Variants in ATP8B4 observed in about 807,000 individuals in gnomAD.
The protein encoded by ATP8B4 is probable phospholipid-transporting ATPase IM.
Under a neutral mutation model 145.6 loss-of-function variants are expected in ATP8B4, and 133 were observed. The ratio of observed to expected loss-of-function variants is 0.91; its 90% confidence interval spans 0.79 to 1.05. The LOEUF (loss-of-function observed/expected upper bound fraction) is 1.05, where lower values mean the gene tolerates loss of function less well. Ranked by LOEUF, ATP8B4 falls within the 50% of genes least tolerant of loss-of-function variation. ATP8B4 has a pLI of 0.00. For missense variants in ATP8B4, 1,458 were observed against 1,425.2 expected (o/e 1.02, Z -0.37); for synonymous variants, 507 against 492.9 (o/e 1.03, Z -0.38).
At chr15:50,178,652 CA>C (rs2044799661) in intron 1 of ATP8B4, among the ~76,000 whole-genome samples, 1 of 152,150 alleles carries the variant, frequency 6.6e-6, no homozygotes, top group African/African-American at 2.4e-5. Flanking sequence ...TGCATGCCCC[CA>C]CACTTGGATA....
chr15:50,066,643 C>T (rs1567295062), intron 3 of ATP8B4, among the ~76,000 whole-genome samples: 1 of 152,114 alleles, frequency 6.6e-6, no homozygotes, highest in South Asian at 2.1e-4. Context: ...TAAACACATA[C>T]TTAAAAAGCC....
chr15:49,892,777 A>G (rs1031994308), intron 23 of ATP8B4, among the ~76,000 whole-genome samples: 6 of 152,222 alleles, frequency 3.9e-5, no homozygotes, highest in Admixed American at 6.5e-5. Flanking sequence ...TACCATTATC[A>G]ATGCCAAAAT....
intron 13 of ATP8B4, among the ~76,000 whole-genome samples, chr15:49,971,865 C>A (rs2045170063): frequency 6.6e-6 from 1 of 152,130 alleles, no homozygotes; most frequent in Non-Finnish European, 1.5e-5. Context: ...AGACTTGGAA[C>A]CTACCCAAAT....
At chr15:49,983,139 T>A (rs1402796764) in intron 10 of ATP8B4, among the ~76,000 whole-genome samples, 1 of 152,166 alleles carries the variant, frequency 6.6e-6, no homozygotes, top group African/African-American at 2.4e-5. Context: ...GACCGTAGCT[T>A]TGAGACCAAC....
At chr15:49,860,940 C>T (rs148394796) in intron 27 of ATP8B4, among the ~76,000 whole-genome samples, 2 of 152,054 alleles carry the variant, frequency 1.3e-5, no homozygotes, top group Admixed American at 6.6e-5. Flanking sequence ...GGTAGCTCAA[C>T]GTATCATGAG....
At chr15:50,093,581 G>T (rs1011870765) in intron 2 of ATP8B4, among the ~76,000 whole-genome samples, 8 of 151,408 alleles carry the variant, frequency 5.3e-5, no homozygotes, top group Admixed American at 3.3e-4. Context: ...GCAAAAGAAG[G>T]CAATAAAAAG....
Position 49,987,336 on chromosome 15 carries a change from G to A in ATP8B4, c.748+55C>T, listed in dbSNP as rs1296307024. On this transcript the variant is annotated intron_variant, in intron 10 of 27. Coordinates refer to ENST00000284509, the MANE Select transcript of ATP8B4 (RefSeq NM_024837.4). ...AACACAGAGAATCATAGACTGTGCT[G>A]GTGTACGTTGCAGGAAAGGTTCCCA... 38 of 1,567,310 alleles carry A rather than the reference G, an allele frequency of 2.4e-5. No homozygotes were observed. In the South Asian group the frequency reaches 4.2e-4, roughly 17 times the overall value.
At position 49,931,247 on chromosome 15, in the gene ATP8B4, T is replaced by C; in HGVS notation, c.1514A>G (p.Asn505Ser). 1 of 1,612,816 alleles carries C rather than the reference T, an allele frequency of 6.2e-7. No individual in the cohort carries two copies. Among genetic ancestry groups the C allele is most frequent in the Non-Finnish European group, 8.5e-7 (1 of 1,179,258 alleles). ...CCGGGATTTAAAAATGAACCCAAAATTTCTAGCGGCAGTCACTAGAGCCCC... is the reference window on the plus strand; with the variant it reads ...CCGGGATTTAAAAATGAACCCAAAACTTCTAGCGGCAGTCACTAGAGCCCC... Reference protein sequence around the residue: ...DEGALVTAARNFGFIFKSRTP... With the variant: ...DEGALVTAARSFGFIFKSRTP... Residue 505 changes from asparagine to serine, a missense_variant, in exon 16 of 28, where the codon AAT becomes AGT. Asn to Ser is a conservative substitution (Grantham distance 46). Coordinates refer to ENST00000284509, the MANE Select transcript of ATP8B4 (RefSeq NM_024837.4).
intron 6 of ATP8B4, among the ~76,000 whole-genome samples, chr15:50,020,484 C>T (rs1029493352): frequency 9.3e-5 from 14 of 150,992 alleles, no homozygotes; most frequent in Admixed American, 1.3e-4. Flanking sequence ...GTTGGCCAGG[C>T]TGGTCTCAAA....
chr15:49,960,521 T>C (rs1599442933), intron 14 of ATP8B4, among the ~76,000 whole-genome samples: 3 of 152,196 alleles, frequency 2.0e-5, no homozygotes, highest in Admixed American at 1.3e-4. Context: ...TTTGGACTTA[T>C]ATTTTACATC....
chr15:50,158,955 A>G (rs2044473993), intron 1 of ATP8B4, among the ~76,000 whole-genome samples: 1 of 152,360 alleles, frequency 6.6e-6, no homozygotes, highest in South Asian at 2.1e-4. Flanking sequence ...GTACCCAAGG[A>G]CACAAACACT....
chr15:50,148,818 C>T lies in ATP8B4; in HGVS notation c.-43+33443G>A, dbSNP rs189409661. On this transcript the variant is annotated intron_variant, in intron 1 of 3. Transcript: ENST00000558829. ...GTAATATTAGATAATAAAATTGTAT[C>T]GACTTCAAGTTTCCCAAGTGTTATA... Among the ~76,000 whole-genome samples the T allele has an allele frequency of 2.6e-5, 4 of 152,124 alleles. No homozygotes were observed. The East Asian group carries it at 5.8e-4, about 22-fold the overall frequency.
At chr15:50,105,174 C>T (rs577672235) in intron 2 of ATP8B4, among the ~76,000 whole-genome samples, 4 of 149,642 alleles carry the variant, frequency 2.7e-5, no homozygotes, top group African/African-American at 9.8e-5. Flanking sequence ...GTGATGGGTG[C>T]ACCAAATCTC....
chr15:49,958,333 AAAAT>A (rs1427998034), intron 14 of ATP8B4, among the ~76,000 whole-genome samples: 1 of 151,680 alleles, frequency 6.6e-6, no homozygotes, highest in Non-Finnish European at 1.5e-5. Context: ...GGAAAGAATA[AAAAT>A]AAATAAATAA....
intron 15 of ATP8B4, among the ~76,000 whole-genome samples, chr15:49,933,723 G>T (rs183309212): frequency 6.6e-6 from 1 of 152,170 alleles, no homozygotes; most frequent in African/African-American, 2.4e-5. Flanking sequence ...TTGTAAGAAC[G>T]ATGTCATCCC....
At chr15:50,140,119 T>C (rs2044187318) in intron 1 of ATP8B4, among the ~76,000 whole-genome samples, 2 of 152,150 alleles carry the variant, frequency 1.3e-5, no homozygotes, top group Admixed American at 1.3e-4. Flanking sequence ...CTCACCAGTA[T>C]ATAATTTATC....
intron 3 of ATP8B4, among the ~76,000 whole-genome samples, chr15:50,065,135 T>A (rs1031663693): frequency 6.6e-6 from 1 of 152,180 alleles, no homozygotes; most frequent in Non-Finnish European, 1.5e-5. Context: ...TTATGTGAGA[T>A]AAGGCATATG....
intron 20 of ATP8B4, among the ~76,000 whole-genome samples, chr15:49,915,789 A>T (rs893477191): frequency 6.6e-6 from 1 of 150,434 alleles, no homozygotes; most frequent in African/African-American, 2.5e-5. Context: ...TGGCAAAGAC[A>T]TGTGCAGTAT....
At chr15:50,168,077 A>G (rs1008651167) in intron 1 of ATP8B4, among the ~76,000 whole-genome samples, 1 of 152,228 alleles carries the variant, frequency 6.6e-6, no homozygotes. Context: ...AATGCTAGGA[A>G]ACTTACATTT....
Sources: gnomAD v4.1 joint callset for allele counts (sites outside exome capture counted in the v4.1 genomes callset) on GRCh38, gnomAD v4.1.1 for gene constraint, MANE v1.5 for transcripts, NCBI Gene and HGNC (gene_info 2026-07-23, HGNC 2026-07-21) for gene names.